The following CD96 variants were observed in gnomAD, a reference collection of about 807,000 sequenced individuals.
The protein encoded by CD96 is CD96 molecule.
In CD96, 70 loss-of-function variants were observed where a neutral mutation model predicts 71.3. The ratio of observed to expected loss-of-function variants is 0.98; its 90% CI spans 0.81 to 1.20. CD96 has a LOEUF of 1.20. CD96 is among the 50% of genes most tolerant of loss of function. The probability of loss-of-function intolerance (pLI) is 0.00; values close to 1 mark genes in which losing one functional copy is unlikely to be tolerated. For missense variants in CD96, 742 were observed against 677.5 expected (o/e 1.10, Z -1.06); for synonymous variants, 248 against 233.0 (o/e 1.06, Z -0.59).
intron 5 of CD96, among the ~76,000 whole-genome samples, 187 bp downstream of exon 5, chr3:111,585,565 A>C (rs1936673378): frequency 6.6e-6 from 1 of 152,134 alleles, no homozygotes. Flanking sequence ...TTTTAGACTT[A>C]GGGCTCTCAG....
At chr3:111,548,066 CT>C (rs1171220619) in intron 2 of CD96, among the ~76,000 whole-genome samples, 1 of 152,180 alleles carries the variant, frequency 6.6e-6, no homozygotes, top group Non-Finnish European at 1.5e-5. Context: ...TCTTATGCCC[CT>C]GTGCAATCTT....
intron 4 of CD96, among the ~76,000 whole-genome samples, chr3:111,583,520 G>C (rs1936565291): frequency 6.6e-6 from 1 of 152,238 alleles, no homozygotes; most frequent in Non-Finnish European, 1.5e-5. Flanking sequence ...CCCAAGCAGA[G>C]GTTCTTCATG....
intron 2 of CD96, among the ~76,000 whole-genome samples, chr3:111,561,707 C>G (rs1193133462): frequency 7.1e-6 from 1 of 141,460 alleles, no homozygotes. Context: ...CAGAGGCAGG[C>G]AGGCCTCCTT....
chr3:111,598,804 G>A (rs186251450), intron 6 of CD96, among the ~76,000 whole-genome samples: 40 of 152,254 alleles, frequency 2.6e-4, no homozygotes, highest in Non-Finnish European at 4.6e-4. Flanking sequence ...ACAAAGCCAT[G>A]ATTTTATAGA....
intron 14 of CD96, among the ~76,000 whole-genome samples, chr3:111,661,206 C>G (rs547549465): frequency 4.5e-4 from 69 of 152,282 alleles, no homozygotes; most frequent in Non-Finnish European, 1.8e-4. Context: ...AGAACTCACT[C>G]ACTGTCCTGG....
At position 111,565,264 on chromosome 3, in the gene CD96, C is replaced by A. The variant is rs536288113; in HGVS notation, c.419-2259C>A. ...CACAGTGGTTTAGTGGATTTTTCCCCACCAATTAAGAGGGATGTGTTGTTA... is the reference window on the plus strand; with the variant it reads ...CACAGTGGTTTAGTGGATTTTTCCCAACCAATTAAGAGGGATGTGTTGTTA... On this transcript the variant is annotated intron_variant, in intron 2 of 13. Coordinates refer to ENST00000352690, the MANE Select transcript of CD96 (RefSeq NM_005816.5). 2.4e-4 allele frequency among the ~76,000 whole-genome samples: 37 copies of A among 152,174 alleles called. No homozygotes were observed. The South Asian group carries it at 6.4e-3, about 26-fold the overall frequency.
At chr3:111,655,931 C>A (rs1443641569), downstream of CD96, among the ~76,000 whole-genome samples, 5 of 150,912 alleles carry the variant, frequency 3.3e-5, no homozygotes, top group African/African-American at 9.7e-5. Flanking sequence ...ATATACTATT[C>A]TCTATGGTAT....
intron 4 of CD96, among the ~76,000 whole-genome samples, chr3:111,579,622 T>C (rs1936378605): frequency 6.6e-6 from 1 of 152,156 alleles, no homozygotes; most frequent in Non-Finnish European, 1.5e-5. Context: ...CTCTGAAGAA[T>C]CCCAAGGTGG....
chr3:111,618,648 G>T (rs1221065520), intron 8 of CD96, among the ~76,000 whole-genome samples: 1 of 144,024 alleles, frequency 6.9e-6, no homozygotes, highest in South Asian at 2.2e-4. Context: ...ACAGTGGCAC[G>T]ATCTCAGCTC....
rs1228618015 is a variant in CD96 at position 111,641,225 on chromosome 3, C to G, written c.1477+3057C>G. 9.2e-5 allele frequency among the ~76,000 whole-genome samples: 14 copies of G among 152,274 alleles called. No homozygotes were observed. The East Asian group carries it at 1.7e-3, about 19-fold the overall frequency. On this transcript the variant is annotated intron_variant, in intron 12 of 13. Transcript: ENST00000352690. ...ACAGCAGAATGGATAAGAACTTACC[C>G]ATCAACTATTTGCTGCCTTCGGGAG...
At chr3:111,573,990 G>A (rs1936107016) in intron 3 of CD96, among the ~76,000 whole-genome samples, 1 of 152,230 alleles carries the variant, frequency 6.6e-6, no homozygotes, top group Non-Finnish European at 1.5e-5. Flanking sequence ...GAAAATGGAT[G>A]TGGGGAGCTT....
intron 10 of CD96, among the ~76,000 whole-genome samples, chr3:111,626,966 C>G (rs1938800151): frequency 6.6e-6 from 1 of 152,062 alleles, no homozygotes; most frequent in Admixed American, 6.6e-5. Context: ...ACAGCATTTG[C>G]TTTTGATGGA....
Position 111,545,471 on chromosome 3 carries a change from GA to G in CD96, c.418+73del, listed in dbSNP as rs897567426. 13 of 1,069,436 alleles carry G rather than the reference GA, an allele frequency of 1.2e-5. No homozygotes were observed. In the African/African-American group the frequency reaches 1.4e-4, roughly 11 times the overall value. The allele number at this position is 1,069,436 out of a possible 1,614,324, so 66.2% of individuals were successfully genotyped here. A position where few individuals can be genotyped will look rare whatever the true frequency, so the allele number is the denominator to read the frequency against. ...CTCATTCAACAAATGTACATTTTAA[GA>G]AAAGCAAGGTTAGGCTTGGTGCTCA... On this transcript the variant is annotated intron_variant, in intron 2 of 13. Coordinates refer to ENST00000352690, the MANE Select transcript of CD96 (RefSeq NM_005816.5).
intron 2 of CD96, among the ~76,000 whole-genome samples, chr3:111,563,038 A>C (rs1444478874): frequency 6.6e-6 from 1 of 152,158 alleles, no homozygotes; most frequent in Non-Finnish European, 1.5e-5. Context: ...AATCCTCTGG[A>C]GGGGAGAAAT....
At chr3:111,570,528 G>A (rs1283366299) in intron 3 of CD96, 1 of 1,033,864 alleles carries the variant, frequency 9.7e-7, no homozygotes, top group African/African-American at 1.6e-5. Flanking sequence ...TGGGACGCAT[G>A]TGTGTTAACT....
rs764562178 is a variant in CD96 at position 111,649,848 on chromosome 3, C to G, written c.*42C>G. The G allele has an allele frequency of 5.0e-6, 6 of 1,203,718 alleles. No individual in the cohort carries two copies. The highest frequency in any genetic ancestry group is 7.4e-6 in the Non-Finnish European group (6 of 805,590). 74.6% of individuals were successfully genotyped at this position (1,203,718 alleles called of 1,614,324 possible). A position where few individuals can be genotyped will look rare whatever the true frequency, so the allele number is the denominator to read the frequency against. On this transcript the variant is annotated 3_prime_UTR_variant, in exon 14 of 14. Transcript: ENST00000352690. Reference sequence around the variant, plus strand: ...CCCATGGCAGAACTCTGCTGGAATCCTATTGAGAAGGTAGACATTGTGCTT... The same window carrying G: ...CCCATGGCAGAACTCTGCTGGAATCGTATTGAGAAGGTAGACATTGTGCTT...
chr3:111,626,986 G>A (rs963162307), intron 10 of CD96, among the ~76,000 whole-genome samples: 3 of 152,140 alleles, frequency 2.0e-5, no homozygotes, highest in African/African-American at 7.2e-5. Context: ...AGATATAAGG[G>A]ATGAGACAGG....
Position 111,579,087 on chromosome 3 carries a change from T to C in CD96, c.604T>C (p.Leu202=). The change falls in exon 4 of 14, where the codon TTA becomes CTA. Residue 202 remains leucine, a synonymous_variant. Transcript: ENST00000352690. The part of the protein sequence containing the change: ...SQNHLISNST[L]LKDRVKLGTD... ...AAATCACCTCATCAGCAATTCCACA[T>C]TACTTAAAGATAGAGTCAAGCTTGG... The C allele has an allele frequency of 6.2e-7, 1 of 1,608,410 alleles. No homozygotes were observed.
intron 10 of CD96, among the ~76,000 whole-genome samples, chr3:111,625,425 A>G (rs79732376): frequency 0.025 from 3,832 of 152,284 alleles, 186 homozygotes; most frequent in African/African-American, 0.088. Context: ...AAATATAAGA[A>G]TTGAAAAGAC....
Sources: allele counts gnomAD v4.1 joint callset (sites outside exome capture counted in the v4.1 genomes callset), GRCh38; gene constraint gnomAD v4.1.1; transcripts MANE v1.5; gene names NCBI Gene and HGNC (gene_info 2026-07-23, HGNC 2026-07-21).